The following SHTN1 variants were observed in gnomAD, a reference collection of about 807,000 sequenced individuals.
SHTN1 encodes shootin 1.
In SHTN1, 42 loss-of-function variants were observed where a neutral mutation model predicts 83.1. The ratio of observed to expected loss-of-function variants is 0.51; its 90% confidence interval spans 0.39 to 0.65. The LOEUF (loss-of-function observed/expected upper bound fraction) is 0.65. Among genes scored for constraint, SHTN1 ranks in the 30% least tolerant of loss-of-function variants. The pLI, the probability that SHTN1 is intolerant of heterozygous loss-of-function variation, is 0.00. For synonymous variants in SHTN1, 224 were observed against 247.7 expected, an observed-to-expected ratio of 0.90 and a Z score of 0.90; for missense variants, 622 against 737.8, an observed-to-expected ratio of 0.84 and a Z score of 1.82.
chr10:116,983,578 G>A (rs1400931444), intron 1 of SHTN1, among the ~76,000 whole-genome samples: 1 of 151,834 alleles, frequency 6.6e-6, no homozygotes, highest in South Asian at 2.1e-4. Flanking sequence ...TAGATGCCTC[G>A]CCCCTCCTGC....
rs1388488460 is a variant in SHTN1, at chr10:116,993,073, T to C, written c.58+11949A>G. 2.8e-5 allele frequency among the ~76,000 whole-genome samples: 4 copies of C among 142,406 alleles called. No individual in the cohort carries two copies. The South Asian group carries it at 8.8e-4, about 31-fold the overall frequency. 93.4% of individuals were successfully genotyped at this position (142,406 alleles called of 152,430 possible). ...CTCTATTGCCCAGGCTGGAGTGCAGTGGCATGATCTTGGCTCACTGCAACC... is the reference window on the plus strand; with the variant it reads ...CTCTATTGCCCAGGCTGGAGTGCAGCGGCATGATCTTGGCTCACTGCAACC... On this transcript the variant is annotated intron_variant, in intron 1 of 16. Transcript: ENST00000355371.
Position 116,884,213 on chromosome 10 carries a change from C to T in SHTN1, c.*2131G>A, listed in dbSNP as rs762114969. ...TGAACATACCTTGCAGATATAAGCA[C>T]GGTTCTCCTATGTCTTCCTATTTGG... On this transcript the variant is annotated 3_prime_UTR_variant, in exon 17 of 17. Coordinates refer to ENST00000355371, the MANE Select transcript of SHTN1 (RefSeq NM_001127211.3). 7 of 457,098 alleles carry T rather than the reference C, an allele frequency of 1.5e-5. No homozygotes were observed. The highest frequency in any genetic ancestry group is 6.0e-5 in the African/African-American group (3 of 50,112). The allele number at this position is 457,098 out of a possible 1,614,324, so 28.3% of individuals were successfully genotyped here.
At chr10:116,940,245 T>C (rs1461936786) in intron 9 of SHTN1, among the ~76,000 whole-genome samples, 1 of 152,246 alleles carries the variant, frequency 6.6e-6, no homozygotes, top group African/African-American at 2.4e-5. Context: ...GTTTAAAGAT[T>C]ATTATAAAGT....
At chr10:116,993,004 C>CTTTTT (rs1851495786) in intron 1 of SHTN1, among the ~76,000 whole-genome samples, 2 of 129,830 alleles carry the variant, frequency 1.5e-5, no homozygotes, top group South Asian at 5.0e-4. Context: ...GTTTTCTTTT[C>CTTTTT]TTTCTTTTTT....
At chr10:116,928,134 A>C (rs975532657) in intron 10 of SHTN1, among the ~76,000 whole-genome samples, 2 of 152,190 alleles carry the variant, frequency 1.3e-5, no homozygotes, top group Non-Finnish European at 2.9e-5. Flanking sequence ...ATACAACTTT[A>C]GAAAAGAAAA....
intron 16 of SHTN1, among the ~76,000 whole-genome samples, chr10:116,888,130 AATAATC>A (rs897590301): frequency 1.3e-5 from 2 of 152,194 alleles, no homozygotes; most frequent in African/African-American, 4.8e-5. Context: ...TAAAAACAAA[AATAATC>A]AGGAGCCTGG....
intron 1 of SHTN1, among the ~76,000 whole-genome samples, chr10:116,987,676 G>C (rs975373090): frequency 2.0e-5 from 3 of 152,060 alleles, no homozygotes; most frequent in African/African-American, 7.2e-5. Flanking sequence ...CAGCACTTTG[G>C]GAGGCCTTGG....
intron 1 of SHTN1, among the ~76,000 whole-genome samples, chr10:117,098,224 TAAAA>T (rs34407973): frequency 4.4e-5 from 5 of 113,426 alleles, no homozygotes; most frequent in Non-Finnish European, 5.3e-5. Flanking sequence ...CCGTCTCTAC[TAAAA>T]AAAAAAAAAA....
intron 1 of SHTN1, among the ~76,000 whole-genome samples, chr10:116,990,224 G>A (rs1851370252): frequency 6.6e-6 from 1 of 150,764 alleles, no homozygotes; most frequent in African/African-American, 2.4e-5. Context: ...ATTGATGACT[G>A]ATCTTTAGCC....
chr10:117,070,237 T>C (rs1372218178), intron 1 of SHTN1, among the ~76,000 whole-genome samples: 1 of 152,112 alleles, frequency 6.6e-6, no homozygotes, highest in Non-Finnish European at 1.5e-5. Context: ...ATGGGAGGTA[T>C]ACATTTTTTC....
chr10:116,909,013 T>C (rs184454953), intron 14 of SHTN1, among the ~76,000 whole-genome samples: 1 of 152,290 alleles, frequency 6.6e-6, no homozygotes, highest in East Asian at 1.9e-4. Context: ...GCTAATAAAA[T>C]ACCAAGACTA....
At chr10:117,106,738 C>T (rs1853676594) in intron 1 of SHTN1, among the ~76,000 whole-genome samples, 1 of 152,154 alleles carries the variant, frequency 6.6e-6, no homozygotes, top group African/African-American at 2.4e-5. Flanking sequence ...CCTTCTAATT[C>T]TTGGGGGTGA....
chr10:116,995,544 T>C (rs1471657254), intron 1 of SHTN1, among the ~76,000 whole-genome samples: 1 of 152,166 alleles, frequency 6.6e-6, no homozygotes, highest in Non-Finnish European at 1.5e-5. Flanking sequence ...TTGAAACATT[T>C]ACTTTTCTTC....
At chr10:116,967,078 T>C (rs1850421056) in intron 3 of SHTN1, among the ~76,000 whole-genome samples, 2 of 152,208 alleles carry the variant, frequency 1.3e-5, no homozygotes, top group East Asian at 1.9e-4. Flanking sequence ...AAATGTTCTG[T>C]TGTGTAGTTA....
At chr10:116,911,065 G>A (rs1457977743) in intron 14 of SHTN1, among the ~76,000 whole-genome samples, 3 of 152,196 alleles carry the variant, frequency 2.0e-5, no homozygotes, top group African/African-American at 7.2e-5. Flanking sequence ...TTGACTTACT[G>A]TGCATAATAA....
chr10:116,990,364 GT>G (rs1851385139), intron 1 of SHTN1, among the ~76,000 whole-genome samples: 1 of 117,712 alleles, frequency 8.5e-6, no homozygotes, highest in South Asian at 2.9e-4. Context: ...CTTGTTGTAT[GT>G]TTTGAGAGCT....
chr10:116,902,007 T>C, intron 15 of SHTN1, 50 bp from the exon 16 acceptor site: 2 of 1,466,454 alleles, frequency 1.4e-6, no homozygotes, highest in African/African-American at 1.5e-5. Flanking sequence ...ATGATGCTTA[T>C]TAATATGGTA....
intron 2 of SHTN1, chr10:116,973,833 T>A: frequency 8.0e-7 from 1 of 1,244,968 alleles, no homozygotes; most frequent in Non-Finnish European, 1.1e-6. Flanking sequence ...AGCATCAGAA[T>A]TGTGTGTACT....
chr10:117,067,000 A>G (rs1018015548), intron 1 of SHTN1, among the ~76,000 whole-genome samples: 1 of 152,238 alleles, frequency 6.6e-6, no homozygotes, highest in Non-Finnish European at 1.5e-5. Context: ...AGTGTTGTTT[A>G]GGCAAAATAC....
Sources: gnomAD v4.1 joint callset for allele counts (sites outside exome capture counted in the v4.1 genomes callset) on GRCh38, gnomAD v4.1.1 for gene constraint, MANE v1.5 for transcripts, NCBI Gene and HGNC (gene_info 2026-07-23, HGNC 2026-07-21) for gene names.